Variants in SDK1 observed in about 807,000 individuals in gnomAD.
SDK1 encodes sidekick cell adhesion molecule 1.
In SDK1, 157 loss-of-function variants were observed where a neutral mutation model predicts 245.5. The observed-to-expected ratio is 0.64, with a 90% CI of 0.56 to 0.73. The LOEUF is 0.73. Ranked by LOEUF, SDK1 falls within the 30% of genes least tolerant of loss-of-function variation. SDK1 has a pLI of 0.00. For missense variants in SDK1, 3,583 were observed against 3,002.3 expected (o/e 1.19, Z -4.52); for synonymous variants, 1,647 against 1,278.5 (o/e 1.29, Z -6.15).
At chr7:3,823,327 T>C (rs1310879129) in intron 5 of SDK1, among the ~76,000 whole-genome samples, 1 of 152,200 alleles carries the variant, frequency 6.6e-6, no homozygotes, top group Non-Finnish European at 1.5e-5. Flanking sequence ...TCAATTGTAA[T>C]ATAACTACCA....
chr7:4,046,547 C>A (rs753379810), intron 17 of SDK1, among the ~76,000 whole-genome samples: 1 of 152,060 alleles, frequency 6.6e-6, no homozygotes, highest in Non-Finnish European at 1.5e-5. Context: ...TTTCCAGCAC[C>A]ATTTGTCGAA....
At chr7:4,194,287 T>C (rs964120650) in intron 35 of SDK1, among the ~76,000 whole-genome samples, 1 of 103,010 alleles carries the variant, frequency 9.7e-6, no homozygotes, top group African/African-American at 3.8e-5. Flanking sequence ...TAGATATATG[T>C]ATGCACGTAT....
At chr7:3,536,023 AT>A (rs1198002782) in intron 1 of SDK1, among the ~76,000 whole-genome samples, 1 of 151,658 alleles carries the variant, frequency 6.6e-6, no homozygotes, top group Non-Finnish European at 1.5e-5. Context: ...TTAAAATCTA[AT>A]TCCCCCCCTG....
intron 28 of SDK1, among the ~76,000 whole-genome samples, chr7:4,142,269 T>A (rs1046504510): frequency 6.6e-6 from 1 of 152,180 alleles, no homozygotes; most frequent in Non-Finnish European, 1.5e-5. Context: ...ATGCCTGAAC[T>A]TAACACTGGG....
chr7:4,229,986 A>C (rs1482760204), intron 40 of SDK1, among the ~76,000 whole-genome samples: 1 of 147,076 alleles, frequency 6.8e-6, no homozygotes, highest in Non-Finnish European at 1.5e-5. Context: ...GGATGGGTGG[A>C]AGGAAGAATG....
intron 5 of SDK1, among the ~76,000 whole-genome samples, chr7:3,922,350 A>T (rs1200930561): frequency 1.3e-5 from 2 of 152,212 alleles, no homozygotes. Context: ...CCCAGCTCCA[A>T]GTTCACTGAC....
chr7:3,674,771 C>G (rs976272256), intron 4 of SDK1, among the ~76,000 whole-genome samples: 2 of 152,110 alleles, frequency 1.3e-5, no homozygotes. Context: ...TTCCAGGTGA[C>G]CAACATGACG....
At chr7:3,688,863 C>T (rs1784362946) in intron 4 of SDK1, among the ~76,000 whole-genome samples, 1 of 152,168 alleles carries the variant, frequency 6.6e-6, no homozygotes, top group Non-Finnish European at 1.5e-5. Flanking sequence ...CCTCTGCCTT[C>T]CTTAGAGTTT....
Position 4,158,559 on chromosome 7 carries a change from AC to A in SDK1, c.4729+11del. On this transcript the variant is annotated intron_variant, in intron 31 of 44. Coordinates refer to ENST00000404826, the MANE Select transcript of SDK1 (RefSeq NM_152744.4). ...TGACCACGCTGCAGGATGGTGAGCA[AC>A]CCGGGGCCCAGACCGCGTTCCTGGC... 1 of 1,605,812 alleles carries A rather than the reference AC, an allele frequency of 6.2e-7. No homozygotes were observed. The highest frequency in any genetic ancestry group is 8.5e-7 in the Non-Finnish European group (1 of 1,173,382).
Position 3,494,051 on chromosome 7 carries a change from T to C in SDK1, c.299-125029T>C, listed in dbSNP as rs117331806. 2.6e-3 allele frequency among the ~76,000 whole-genome samples: 395 copies of C among 152,310 alleles called. 13 individuals carry two copies. The East Asian group carries it at 0.062, about 24-fold the overall frequency. On this transcript the variant is annotated intron_variant, in intron 1 of 44. Coordinates refer to ENST00000404826, the MANE Select transcript of SDK1 (RefSeq NM_152744.4). ...AGGTGAGTTTTGAAAAGTCAGATTTTTTTTTTAAGGTAAACTCTGATCTCA... is the reference window on the plus strand; with the variant it reads ...AGGTGAGTTTTGAAAAGTCAGATTTCTTTTTTAAGGTAAACTCTGATCTCA...
At chr7:3,593,392 A>G (rs1029064620) in intron 1 of SDK1, among the ~76,000 whole-genome samples, 4 of 152,280 alleles carry the variant, frequency 2.6e-5, no homozygotes, top group Non-Finnish European at 4.4e-5. Context: ...GAGCTTCACC[A>G]TGCATCAGCT....
chr7:4,021,741 A>G (rs571204438), intron 17 of SDK1, among the ~76,000 whole-genome samples: 1 of 152,280 alleles, frequency 6.6e-6, no homozygotes, highest in African/African-American at 2.4e-5. Flanking sequence ...TCTGCTTACA[A>G]TTCCTGGAAT....
At chr7:3,857,326 G>T (rs1248708027) in intron 5 of SDK1, among the ~76,000 whole-genome samples, 1 of 152,058 alleles carries the variant, frequency 6.6e-6, no homozygotes, top group African/African-American at 2.4e-5. Flanking sequence ...AAAAGAAAAA[G>T]GTATAGATAT....
intron 1 of SDK1, among the ~76,000 whole-genome samples, chr7:3,448,332 T>C (rs1780409403): frequency 1.3e-5 from 2 of 152,198 alleles, no homozygotes; most frequent in Admixed American, 1.3e-4. Flanking sequence ...TCATATTATC[T>C]GGCCATTTTT....
At chr7:3,755,497 T>A (rs1779896009) in intron 4 of SDK1, among the ~76,000 whole-genome samples, 1 of 152,008 alleles carries the variant, frequency 6.6e-6, no homozygotes, top group East Asian at 1.9e-4. Flanking sequence ...TAAACTTGAG[T>A]GGGAAGTCTA....
At chr7:3,847,894 A>G (rs1051896481) in intron 5 of SDK1, among the ~76,000 whole-genome samples, 6 of 152,208 alleles carry the variant, frequency 3.9e-5, no homozygotes, top group African/African-American at 1.4e-4. Flanking sequence ...CTGATACACT[A>G]TTGCACTCCG....
intron 1 of SDK1, among the ~76,000 whole-genome samples, chr7:3,435,346 T>A (rs1301304594): frequency 1.5e-5 from 2 of 137,740 alleles, no homozygotes; most frequent in Non-Finnish European, 3.1e-5. Context: ...TTTTTTTTTT[T>A]TTGAGACGGA....
At chr7:3,848,293 T>C (rs1780331318) in intron 5 of SDK1, among the ~76,000 whole-genome samples, 1 of 152,234 alleles carries the variant, frequency 6.6e-6, no homozygotes, top group Non-Finnish European at 1.5e-5. Flanking sequence ...GTTGTTCCTT[T>C]GTTTTGGTAC....
chr7:3,618,208 T>C (rs2128644423), intron 1 of SDK1, among the ~76,000 whole-genome samples: 1 of 152,262 alleles, frequency 6.6e-6, no homozygotes, highest in South Asian at 2.1e-4. Flanking sequence ...TCTAGTATTC[T>C]CTCCATTTTC....
Sources: gnomAD v4.1 joint callset for allele counts (sites outside exome capture counted in the v4.1 genomes callset) on GRCh38, gnomAD v4.1.1 for gene constraint, MANE v1.5 for transcripts, NCBI Gene and HGNC (gene_info 2026-07-23, HGNC 2026-07-21) for gene names.